BCAT1: variants seen among roughly 807,000 people sequenced by gnomAD.
BCAT1 encodes branched-chain-amino-acid aminotransferase, cytosolic.
BCAT1 carries 48 observed loss-of-function variants against 52.4 expected under a neutral mutation model. The ratio of observed to expected loss-of-function variants is 0.92; its 90% confidence interval spans 0.73 to 1.16. The LOEUF is 1.16. BCAT1 is among the 50% of genes most tolerant of loss of function. The probability of loss-of-function intolerance (pLI) is 0.00; values close to 1 mark genes in which losing one functional copy is unlikely to be tolerated. For synonymous variants in BCAT1, 167 were observed against 161.3 expected, an observed-to-expected ratio of 1.04 and a Z score of -0.27; for missense variants, 451 against 457.1, an observed-to-expected ratio of 0.99 and a Z score of 0.12.
chr12:24,894,004 AT>A (rs1942902279), intron 3 of BCAT1, among the ~76,000 whole-genome samples: 1 of 152,206 alleles, frequency 6.6e-6, no homozygotes, highest in Non-Finnish European at 1.5e-5. Context: ...TGGCTTTTTA[AT>A]TGCCAATTTT....
chr12:24,823,983 T>G (rs1386813072), intron 10 of BCAT1, among the ~76,000 whole-genome samples: 2 of 152,194 alleles, frequency 1.3e-5, no homozygotes, highest in African/African-American at 2.4e-5. Context: ...AATTGTGTGT[T>G]TGGGCTTCTC....
intron 1 of BCAT1, among the ~76,000 whole-genome samples, chr12:24,940,017 G>A (rs2139759448): frequency 6.6e-6 from 1 of 152,096 alleles, no homozygotes; most frequent in South Asian, 2.1e-4. Context: ...ACAGTGAAAA[G>A]GCTCACGGTA....
intron 6 of BCAT1, among the ~76,000 whole-genome samples, chr12:24,849,147 TA>T (rs1941426619): frequency 6.6e-6 from 1 of 152,218 alleles, no homozygotes. Flanking sequence ...CGTTCACCCA[TA>T]GGGGCATTCC....
intron 1 of BCAT1, among the ~76,000 whole-genome samples, chr12:24,918,892 C>T (rs772458053): frequency 6.6e-6 from 1 of 152,190 alleles, no homozygotes; most frequent in Non-Finnish European, 1.5e-5. Flanking sequence ...CTAGTTATGA[C>T]ACTTGATTAT....
chr12:24,914,369 T>C (rs1943374866), intron 1 of BCAT1, among the ~76,000 whole-genome samples: 1 of 152,160 alleles, frequency 6.6e-6, no homozygotes, highest in Non-Finnish European at 1.5e-5. Flanking sequence ...AGGTGTGAAC[T>C]ACTGTGCCCA....
Position 24,842,237 on chromosome 12 carries a change from G to C in BCAT1, c.675-13C>G. On this transcript the variant is annotated splice_polypyrimidine_tract_variant and intron_variant, in intron 6 of 10. Coordinates refer to ENST00000261192, the MANE Select transcript of BCAT1 (RefSeq NM_005504.7). ...TGAGCCGTAATTCCTTTAAGAAAGA[G>C]AAAATACACAGGTTACAAACATACT... is the stretch of plus-strand genomic sequence containing the variant. 6.2e-7 allele frequency: 1 copy of C among 1,612,650 alleles called. No individual in the cohort carries two copies. Among genetic ancestry groups the C allele is most frequent in the Non-Finnish European group, 8.5e-7 (1 of 1,178,928 alleles).
chr12:24,882,291 A>G (rs1477302870), intron 3 of BCAT1, among the ~76,000 whole-genome samples: 2 of 152,160 alleles, frequency 1.3e-5, no homozygotes, highest in Admixed American at 6.5e-5. Context: ...TAACTAAACC[A>G]TAGGTCACAG....
At chr12:24,897,185 C>G (rs1387436933) in intron 2 of BCAT1, among the ~76,000 whole-genome samples, 6 of 152,072 alleles carry the variant, frequency 3.9e-5, no homozygotes, top group Admixed American at 3.9e-4. Context: ...AAAACAAAAA[C>G]AGAAAGATGA....
intron 8 of BCAT1, chr12:24,833,716 G>A (rs779095436): frequency 4.6e-5 from 7 of 152,164 alleles, no homozygotes; most frequent in Non-Finnish European, 8.8e-5. Flanking sequence ...GGAGGTTGAA[G>A]GGCATCTCCA....
At chr12:24,937,952 G>A (rs953374453) in intron 1 of BCAT1, among the ~76,000 whole-genome samples, 2 of 152,188 alleles carry the variant, frequency 1.3e-5, no homozygotes, top group Non-Finnish European at 2.9e-5. Flanking sequence ...GGGGTAGCTG[G>A]CATATGAGGA....
chr12:24,902,036 C>T (rs980122351), intron 1 of BCAT1, 151 bp from the exon 2 acceptor site: 27 of 1,555,508 alleles, frequency 1.7e-5, no homozygotes, highest in East Asian at 2.4e-5. Flanking sequence ...AGCACCCAGG[C>T]CCGAACCTCC....
At chr12:24,845,189 A>AG (rs747552004) in intron 6 of BCAT1, among the ~76,000 whole-genome samples, 9 of 151,252 alleles carry the variant, frequency 6.0e-5, no homozygotes, top group Non-Finnish European at 1.3e-4. Flanking sequence ...ACTCCAGCCT[A>AG]GGAGACAGAG....
In BCAT1 at chr12:24,866,457, T is replaced by C. The variant is rs2173605; in HGVS notation, c.510+12073A>G. 5.1e-3 allele frequency among the ~76,000 whole-genome samples: 779 copies of C among 152,230 alleles called. 21 individuals are homozygous for C. In the East Asian group the frequency reaches 0.054, roughly 11 times the overall value. On this transcript the variant is annotated intron_variant, in intron 5 of 10. Coordinates refer to ENST00000261192, the MANE Select transcript of BCAT1 (RefSeq NM_005504.7). The stretch of plus-strand genomic sequence containing the variant: ...CCCCACTCCACAGTGCCTGGTCCCA[T>C]CAACAGCCCGAGGGCTGAGGAGTGC...
chr12:24,925,398 TTAAAA>T (rs541362856), intron 1 of BCAT1, among the ~76,000 whole-genome samples: 311 of 152,248 alleles, frequency 2.0e-3, no homozygotes, highest in African/African-American at 7.1e-3. Context: ...AACCAATTCC[TTAAAA>T]TAAATCTCTC....
At chr12:24,879,094 A>T (rs1046046165) in intron 4 of BCAT1, among the ~76,000 whole-genome samples, 10 of 152,224 alleles carry the variant, frequency 6.6e-5, no homozygotes, top group African/African-American at 2.4e-4. Context: ...GACTTTATTT[A>T]AAAAGTACAA....
chr12:24,865,986 G>GC (rs1477124788), intron 5 of BCAT1, among the ~76,000 whole-genome samples: 1 of 152,268 alleles, frequency 6.6e-6, no homozygotes, highest in Non-Finnish European at 1.5e-5. Context: ...CGCTTGAGGA[G>GC]CCCTTCAGCC....
chr12:24,891,265 GT>G (rs1275779448), intron 3 of BCAT1, among the ~76,000 whole-genome samples: 1 of 152,114 alleles, frequency 6.6e-6, no homozygotes, highest in East Asian at 1.9e-4. Context: ...AACTCCTTGA[GT>G]TTTGCAGCCC....
At chr12:24,895,492 C>A (rs2139656699) in intron 2 of BCAT1, among the ~76,000 whole-genome samples, 1 of 150,424 alleles carries the variant, frequency 6.6e-6, no homozygotes, top group African/African-American at 2.4e-5. Flanking sequence ...CACCACTGCA[C>A]TCCAGCCTGG....
chr12:24,812,509 TATAACCTCAATA>T lies in BCAT1; in HGVS notation c.*5487_*5498del, dbSNP rs1939722406. On this transcript the variant is annotated 3_prime_UTR_variant, in exon 11 of 11. Coordinates refer to ENST00000261192, the MANE Select transcript of BCAT1 (RefSeq NM_005504.7). ...TTTCTATGTAACACAACCTTCAGATTATAACCTCAATAGTGTGACCTAATTCTAATATCTGAT... is the reference window on the plus strand; with the variant it reads ...TTTCTATGTAACACAACCTTCAGATTGTGTGACCTAATTCTAATATCTGAT... 6.6e-6 allele frequency: 1 copy of T among 152,044 alleles called. No individual in the cohort carries two copies. Among genetic ancestry groups the T allele is most frequent in the Non-Finnish European group, 1.5e-5 (1 of 67,902 alleles). 9.4% of individuals were successfully genotyped at this position (152,044 alleles called of 1,614,324 possible).
Sources: allele counts gnomAD v4.1 joint callset (sites outside exome capture counted in the v4.1 genomes callset), GRCh38; gene constraint gnomAD v4.1.1; transcripts MANE v1.5; gene names NCBI Gene and HGNC (gene_info 2026-07-23, HGNC 2026-07-21).